ABI2: variants seen among roughly 807,000 people sequenced by gnomAD.
ABI2 encodes abelson interactor 2.
ABI2 carries 25 observed loss-of-function variants against 59.2 expected under a neutral mutation model. The ratio of observed to expected loss-of-function variants is 0.42; its 90% CI spans 0.31 to 0.59. ABI2 has a LOEUF of 0.59. ABI2 is among the 20% of genes least tolerant of loss of function. ABI2 has a pLI of 0.14. For synonymous variants in ABI2, 213 were observed against 235.5 expected, an observed-to-expected ratio of 0.90 and a Z score of 0.87; for missense variants, 545 against 681.8, an observed-to-expected ratio of 0.80 and a Z score of 2.23.
chr2:203,418,236 A>G (rs931548335), intron 11 of ABI2, among the ~76,000 whole-genome samples: 2 of 152,268 alleles, frequency 1.3e-5, no homozygotes, highest in Admixed American at 6.5e-5. Context: ...TCCACGTTTG[A>G]TGAAAACTAT....
In ABI2 at chr2:203,431,847, G is replaced by A. The variant is rs576009394; in HGVS notation, c.*4495G>A. 1 of 152,220 alleles carries A rather than the reference G, an allele frequency of 6.6e-6. No individual in the cohort carries two copies. The highest frequency in any genetic ancestry group is 2.1e-4 in the South Asian group (1 of 4,828). The allele number at this position is 152,220 out of a possible 1,614,324, so 9.4% of individuals were successfully genotyped here. A position where few individuals can be genotyped will look rare whatever the true frequency, so the allele number is the denominator to read the frequency against. On this transcript the variant is annotated 3_prime_UTR_variant, in exon 12 of 12. Transcript: ENST00000261018. ...AAATGAAACCTCTTTTGCAACTTAA[G>A]AATTCTATGGAAAAGCAGTTTTTAT... is the stretch of plus-strand genomic sequence containing the variant.
chr2:203,375,881 C>T (rs2095645423), intron 2 of ABI2: 1 of 421,050 alleles, frequency 2.4e-6, no homozygotes, highest in East Asian at 3.6e-5. Context: ...TATTCAAACT[C>T]CAAATAGAAC....
chr2:203,337,126 G>C (rs1399603044), intron 1 of ABI2, among the ~76,000 whole-genome samples: 2 of 152,088 alleles, frequency 1.3e-5, no homozygotes, highest in Non-Finnish European at 2.9e-5. Flanking sequence ...ATCAAGTACT[G>C]CAAAGTACTA....
chr2:203,427,036 G>T, intron 11 of ABI2, 141 bp from the exon 12 acceptor site: 1 of 652,104 alleles, frequency 1.5e-6, no homozygotes, highest in African/African-American at 1.8e-5. Flanking sequence ...AAAAAAACAT[G>T]TAAGTTTTGG....
Position 203,366,989 on chromosome 2 carries a change from A to G in ABI2, c.230A>G (p.Asp77Gly), listed in dbSNP as rs2094507863. The G allele has an allele frequency of 6.2e-7, 1 of 1,613,724 alleles. No individual in the cohort carries two copies. Among genetic ancestry groups the G allele is most frequent in the African/African-American group, 1.3e-5 (1 of 74,902 alleles). Reference protein sequence around the residue: ...TLANNVLQMLDIQASQLRRME... With the variant: ...TLANNVLQMLGIQASQLRRME... ...GCCAACAATGTCCTGCAGATGCTGG[A>G]TATCCAGGCATCCCAGCTACGAAGG... Residue 77 changes from aspartate to glycine, a missense_variant, in exon 2 of 12, where the codon GAT becomes GGT. Asp to Gly is a moderately conservative substitution (Grantham distance 94). This residue lies in a region of ABI2 where 36 missense variants were observed against 80.0 expected (regional missense o/e 0.45). Transcript: ENST00000261018.
intron 2 of ABI2, among the ~76,000 whole-genome samples, chr2:203,375,537 A>G (rs1441877317): frequency 6.6e-6 from 1 of 152,238 alleles, no homozygotes; most frequent in Admixed American, 6.5e-5. Flanking sequence ...AATGTCAAAG[A>G]ATATCATGAG....
At chr2:203,361,611 T>TA (rs922417996) in intron 1 of ABI2, among the ~76,000 whole-genome samples, 51 of 151,660 alleles carry the variant, frequency 3.4e-4, no homozygotes, top group Admixed American at 5.9e-4. Flanking sequence ...GAATGAAAAC[T>TA]AAAAAAAAGG....
chr2:203,374,804 A>G (rs910742285), intron 2 of ABI2: 1 of 455,900 alleles, frequency 2.2e-6, no homozygotes, highest in Non-Finnish European at 4.4e-6. Context: ...AATCCACTGT[A>G]ACTGTTTGAT....
At chr2:203,380,495 C>A in intron 3 of ABI2, 111 bp downstream of exon 3, 5 of 662,592 alleles carry the variant, frequency 7.5e-6, no homozygotes, top group Non-Finnish European at 1.2e-5. Context: ...AAAGTCTTGG[C>A]CCAGTTGTGG....
At chr2:203,331,388 T>C (rs1329140430) in intron 1 of ABI2, among the ~76,000 whole-genome samples, 1 of 125,484 alleles carries the variant, frequency 8.0e-6, no homozygotes, top group African/African-American at 2.9e-5. Flanking sequence ...AGTCTCACTC[T>C]GTCGCCCAGG....
At chr2:203,410,020 T>C (rs955595749) in intron 9 of ABI2, among the ~76,000 whole-genome samples, 1 of 152,172 alleles carries the variant, frequency 6.6e-6, no homozygotes, top group African/African-American at 2.4e-5. Flanking sequence ...TATGGAAACA[T>C]TTCTGGTCCT....
intron 5 of ABI2, chr2:203,394,400 G>GA (rs11370456): frequency 0.84 from 224,787 of 268,358 alleles, 95,447 homozygotes; most frequent in Middle Eastern, 0.93. Context: ...TCTAAGAAGA[G>GA]GTAGGGTCTG....
intron 1 of ABI2, among the ~76,000 whole-genome samples, chr2:203,363,710 CATT>C (rs1056828533): frequency 1.3e-5 from 2 of 152,182 alleles, no homozygotes; most frequent in Admixed American, 6.5e-5. Context: ...GACTGAATCT[CATT>C]ATTTTTTATG....
At chr2:203,424,840 T>C (rs1481585019) in intron 11 of ABI2, among the ~76,000 whole-genome samples, 2 of 152,204 alleles carry the variant, frequency 1.3e-5, no homozygotes, top group East Asian at 3.8e-4. Flanking sequence ...GTCTCTGGAA[T>C]CATGTTAAGT....
At chr2:203,338,916 GTGTGTGTGTGTGTATA>G (rs2077689224) in intron 1 of ABI2, among the ~76,000 whole-genome samples, 4 of 35,060 alleles carry the variant, frequency 1.1e-4, no homozygotes, top group Admixed American at 3.9e-4. Context: ...ATCTGTGTGT[GTGTGTGTGTGTGTATA>G]TGTATATATA....
intron 3 of ABI2, 34 bp downstream of exon 3, chr2:203,380,418 G>T: frequency 1.4e-6 from 2 of 1,398,930 alleles, no homozygotes; most frequent in East Asian, 2.6e-5. Context: ...TTTAAAAGTA[G>T]TAACCCATAA....
Position 203,427,792 on chromosome 2 carries a change from C to G in ABI2, c.*440C>G, listed in dbSNP as rs2098452863. ...CATGGCCCAGTGGGTACCCTAGCCC[C>G]TTCTTTTCTTCCACTTGTATGAAGA... On this transcript the variant is annotated 3_prime_UTR_variant, in exon 12 of 12. Coordinates refer to ENST00000261018, the MANE Select transcript of ABI2 (RefSeq NM_001375670.1). The G allele has an allele frequency of 6.5e-6, 1 of 153,608 alleles. No individual in the cohort carries two copies. The highest frequency in any genetic ancestry group is 1.5e-5 in the Non-Finnish European group (1 of 68,770). The allele number at this position is 153,608 out of a possible 1,614,324, so 9.5% of individuals were successfully genotyped here. A position where few individuals can be genotyped will look rare whatever the true frequency, so the allele number is the denominator to read the frequency against.
Position 203,376,004 on chromosome 2 carries a change from T to C in ABI2, c.286-4204T>C, listed in dbSNP as rs185458652. On this transcript the variant is annotated intron_variant, in intron 2 of 11. Coordinates refer to ENST00000261018, the MANE Select transcript of ABI2 (RefSeq NM_001375670.1). ...AAATTATACCGTTGTTAGATTACCTTTATTATTATAGATGTTTTTTAAAAG... is the reference window on the plus strand; with the variant it reads ...AAATTATACCGTTGTTAGATTACCTCTATTATTATAGATGTTTTTTAAAAG... 1.1e-4 allele frequency: 144 copies of C among 1,330,664 alleles called. 1 individual carries two copies. The East Asian group carries it at 3.6e-3, about 33-fold the overall frequency. 82.4% of individuals were successfully genotyped at this position (1,330,664 alleles called of 1,614,324 possible).
At chr2:203,378,867 T>C (rs2095897922) in intron 2 of ABI2, among the ~76,000 whole-genome samples, 1 of 152,178 alleles carries the variant, frequency 6.6e-6, no homozygotes, top group East Asian at 1.9e-4. Flanking sequence ...TTTTTTTACG[T>C]TGTATTCAGC....
Sources: gnomAD v4.1 joint callset for allele counts (sites outside exome capture counted in the v4.1 genomes callset) on GRCh38, gnomAD v4.1.1 for gene constraint, gnomAD v4.1.1 regional missense constraint, MANE v1.5 for transcripts, NCBI Gene and HGNC (gene_info 2026-07-23, HGNC 2026-07-21) for gene names.